Variants in TDRD3 observed in about 807,000 individuals in gnomAD.
The protein encoded by TDRD3 is tudor domain containing 3.
Under a neutral mutation model 86.7 loss-of-function variants are expected in TDRD3, and 45 were observed. The ratio of observed to expected loss-of-function variants is 0.52; its 90% CI spans 0.41 to 0.67. TDRD3 has a LOEUF of 0.67. Among genes scored for constraint, TDRD3 ranks in the 30% least tolerant of loss-of-function variants. The pLI, the probability that TDRD3 is intolerant of heterozygous loss-of-function variation, is 0.00. For synonymous variants in TDRD3, 298 were observed against 301.7 expected (o/e 0.99, Z 0.13); for missense variants, 814 against 889.0 (o/e 0.92, Z 1.07).
At chr13:60,449,502 A>T (rs1027233678) in intron 3 of TDRD3, among the ~76,000 whole-genome samples, 1 of 152,262 alleles carries the variant, frequency 6.6e-6, no homozygotes, top group East Asian at 1.9e-4. Context: ...CAAATGATAC[A>T]CTGGGAAAAG....
intron 5 of TDRD3, among the ~76,000 whole-genome samples, chr13:60,479,563 C>T (rs1175913101): frequency 6.6e-6 from 1 of 152,154 alleles, no homozygotes; most frequent in African/African-American, 2.4e-5. Flanking sequence ...TATGTTTCTG[C>T]ATTGATGATT....
At chr13:60,559,453 A>G (rs1433813996) in intron 12 of TDRD3, among the ~76,000 whole-genome samples, 2 of 152,182 alleles carry the variant, frequency 1.3e-5, no homozygotes, top group African/African-American at 2.4e-5. Context: ...ATCTTTAGAA[A>G]TGGGTTTCAG....
At chr13:60,400,381 C>A (rs1954061213) in intron 1 of TDRD3, among the ~76,000 whole-genome samples, 1 of 152,136 alleles carries the variant, frequency 6.6e-6, no homozygotes, top group African/African-American at 2.4e-5. Context: ...CCATCTCCTC[C>A]TTTGTTTGTT....
At chr13:60,502,093 A>G (rs1956847376) in intron 8 of TDRD3, among the ~76,000 whole-genome samples, 1 of 152,172 alleles carries the variant, frequency 6.6e-6, no homozygotes, top group South Asian at 2.1e-4. Context: ...ACTTGCTAAG[A>G]TACAGAATTT....
chr13:60,413,588 A>G (rs190006935), intron 1 of TDRD3, among the ~76,000 whole-genome samples: 32 of 152,326 alleles, frequency 2.1e-4, no homozygotes, highest in Admixed American at 3.9e-4. Flanking sequence ...AATGCCCAGT[A>G]AATACTTAAT....
intron 12 of TDRD3, 91 bp downstream of exon 12, chr13:60,535,324 G>A: frequency 7.2e-7 from 1 of 1,381,264 alleles, no homozygotes; most frequent in East Asian, 2.6e-5. Context: ...AAATATGCAA[G>A]TGGAATCATA....
Position 60,529,341 on chromosome 13 carries a change from T to C in TDRD3, c.1992+124T>C, listed in dbSNP as rs1220201194. 2.8e-6 allele frequency: 3 copies of C among 1,058,668 alleles called. No homozygotes were observed. The African/African-American group carries it at 4.9e-5, about 17-fold the overall frequency. The allele number at this position is 1,058,668 out of a possible 1,614,324, so 65.6% of individuals were successfully genotyped here. On this transcript the variant is annotated intron_variant, in intron 11 of 13. Transcript: ENST00000377881. ...CTACTATTGTACCTGTTTAAAATCT[T>C]TGAACAGATTTATAGATATATAAAG...
At chr13:60,523,573 C>CTTTTTTTTTT (rs67692021) in intron 10 of TDRD3, among the ~76,000 whole-genome samples, 1 of 105,054 alleles carries the variant, frequency 9.5e-6, no homozygotes, top group Non-Finnish European at 1.9e-5. Flanking sequence ...ATACATTTTT[C>CTTTTTTTTTT]TTTTTTTTTT....
chr13:60,466,974 G>GT lies in TDRD3; in HGVS notation c.354-257dup, dbSNP rs142861115. Among the ~76,000 whole-genome samples the GT allele has an allele frequency of 2.5e-3, 379 of 149,604 alleles. 1 individual carries two copies. Among genetic ancestry groups the GT allele is most frequent in the African/African-American group, 8.6e-3 (355 of 41,174 alleles). ...GGGAAAGAGCTTCAAATGTGTGTGTGTTTTTTTGTTTTTTTGTTTTAAGTT... is the reference window on the plus strand; with the variant it reads ...GGGAAAGAGCTTCAAATGTGTGTGTGTTTTTTTTGTTTTTTTGTTTTAAGTT... On this transcript the variant is annotated intron_variant, in intron 4 of 13. Coordinates refer to ENST00000377881, the MANE Select transcript of TDRD3 (RefSeq NM_001146070.2).
chr13:60,472,681 A>G (rs774317684), intron 5 of TDRD3, among the ~76,000 whole-genome samples: 1 of 152,222 alleles, frequency 6.6e-6, no homozygotes, highest in African/African-American at 2.4e-5. Flanking sequence ...ACCCAAAAGA[A>G]TGGAAAACAG....
chr13:60,550,534 T>G (rs1262943349), intron 12 of TDRD3, among the ~76,000 whole-genome samples: 1 of 152,122 alleles, frequency 6.6e-6, no homozygotes, highest in Non-Finnish European at 1.5e-5. Flanking sequence ...TTTGATAAAC[T>G]GGTAGGATTT....
At chr13:60,527,213 T>A (rs1238694888) in intron 10 of TDRD3, among the ~76,000 whole-genome samples, 1 of 152,206 alleles carries the variant, frequency 6.6e-6, no homozygotes, top group Non-Finnish European at 1.5e-5. Context: ...TCCTGTTGTT[T>A]TAAACAATTT....
At chr13:60,537,261 T>A (rs1957715876) in intron 12 of TDRD3, 1 of 152,120 alleles carries the variant, frequency 6.6e-6, no homozygotes, top group African/African-American at 2.4e-5. Flanking sequence ...CATCTCTGGA[T>A]CATGCACATT....
At chr13:60,485,238 T>C (rs1313257113) in intron 6 of TDRD3, among the ~76,000 whole-genome samples, 1 of 152,112 alleles carries the variant, frequency 6.6e-6, no homozygotes, top group Non-Finnish European at 1.5e-5. Flanking sequence ...GAGATCAGAA[T>C]TGAGGGCTTC....
chr13:60,533,501 T>G (rs1198909422), intron 11 of TDRD3, among the ~76,000 whole-genome samples: 1 of 151,860 alleles, frequency 6.6e-6, no homozygotes, highest in East Asian at 1.9e-4. Context: ...ATTAGCCAGG[T>G]GTAGTAGCAC....
intron 8 of TDRD3, among the ~76,000 whole-genome samples, chr13:60,507,115 A>G (rs1267990071): frequency 6.6e-6 from 1 of 152,184 alleles, no homozygotes; most frequent in Non-Finnish European, 1.5e-5. Flanking sequence ...AGGGCATTAC[A>G]TAATGGTAAA....
intron 5 of TDRD3, among the ~76,000 whole-genome samples, chr13:60,470,721 T>C (rs1956060275): frequency 6.6e-6 from 1 of 151,790 alleles, no homozygotes; most frequent in Non-Finnish European, 1.5e-5. Context: ...TAGCTGGGAT[T>C]ACAGGTGTGC....
At chr13:60,556,518 TA>T (rs1958188268) in intron 12 of TDRD3, among the ~76,000 whole-genome samples, 3 of 152,198 alleles carry the variant, frequency 2.0e-5, no homozygotes. Flanking sequence ...AAATTTAGAA[TA>T]AAATAGATCT....
intron 1 of TDRD3, among the ~76,000 whole-genome samples, chr13:60,435,933 C>CTTTTTTTTTTTTTTTTTTTTTTTTTTTTT (rs1175974016): frequency 3.4e-4 from 39 of 114,188 alleles, no homozygotes; most frequent in Non-Finnish European, 5.5e-4. Flanking sequence ...TTTTTTTTTA[C>CTTTTTTTTTTTTTTTTTTTTTTTTTTTTT]TTTTTAATTA....
Sources: allele counts gnomAD v4.1 joint callset (sites outside exome capture counted in the v4.1 genomes callset), GRCh38; gene constraint gnomAD v4.1.1; transcripts MANE v1.5; gene names NCBI Gene and HGNC (gene_info 2026-07-23, HGNC 2026-07-21).